The following EYS variants were observed in gnomAD, a reference collection of about 807,000 sequenced individuals.
The protein encoded by EYS is EGF-like photoreceptor maintenance factor.
Under a neutral mutation model 282.1 loss-of-function variants are expected in EYS, and 250 were observed. The observed-to-expected ratio is 0.89, with a 90% confidence interval of 0.80 to 0.98. The LOEUF (loss-of-function observed/expected upper bound fraction) is 0.98, where lower values mean the gene tolerates loss of function less well. Among genes scored for constraint, EYS ranks in the 50% least tolerant of loss-of-function variants. The pLI, the probability that EYS is intolerant of heterozygous loss-of-function variation, is 0.00. For missense variants in EYS, 4,016 were observed against 3,709.0 expected, an observed-to-expected ratio of 1.08 and a Z score of -2.15; for synonymous variants, 1,355 against 1,282.9, an observed-to-expected ratio of 1.06 and a Z score of -1.20.
At chr6:64,540,303 G>A (rs1764661159) in intron 26 of EYS, among the ~76,000 whole-genome samples, 1 of 152,086 alleles carries the variant, frequency 6.6e-6, no homozygotes, top group Admixed American at 6.6e-5. Flanking sequence ...GGACCTACGG[G>A]TCTCACCTTC....
intron 31 of EYS, among the ~76,000 whole-genome samples, chr6:64,190,259 G>C (rs116279632): frequency 3.2e-4 from 49 of 152,296 alleles, no homozygotes; most frequent in African/African-American, 1.1e-3. Context: ...AACTGAACAT[G>C]CTACTTTGCC....
At chr6:64,530,188 TAAGTA>T (rs1186214172) in intron 26 of EYS, among the ~76,000 whole-genome samples, 1 of 152,100 alleles carries the variant, frequency 6.6e-6, no homozygotes, top group South Asian at 2.1e-4. Context: ...ATAAGTAAAA[TAAGTA>T]AACAATTATT....
At chr6:63,807,806 C>T (rs548362651) in intron 36 of EYS, among the ~76,000 whole-genome samples, 14 of 150,138 alleles carry the variant, frequency 9.3e-5, no homozygotes, top group Admixed American at 6.6e-4. Flanking sequence ...GATAATAACA[C>T]TCTCAGGTAT....
At chr6:64,169,948 C>T (rs1044437569) in intron 31 of EYS, among the ~76,000 whole-genome samples, 1 of 152,102 alleles carries the variant, frequency 6.6e-6, no homozygotes, top group African/African-American at 2.4e-5. Flanking sequence ...GGTATTTAAA[C>T]CCCTTGCTTG....
intron 35 of EYS, among the ~76,000 whole-genome samples, chr6:63,893,270 T>C (rs1023874445): frequency 6.6e-6 from 1 of 152,188 alleles, no homozygotes; most frequent in Non-Finnish European, 1.5e-5. Context: ...TAAAGACACA[T>C]GCACACATAT....
intron 11 of EYS, among the ~76,000 whole-genome samples, chr6:65,318,888 C>T (rs1426286587): frequency 6.0e-5 from 9 of 150,342 alleles, no homozygotes; most frequent in African/African-American, 1.2e-4. Context: ...GGGATCCACC[C>T]GCCTTGGCCT....
Position 64,259,532 on chromosome 6 carries a change from C to G in EYS, c.6192-28708G>C, listed in dbSNP as rs139612992. 6.1e-3 allele frequency among the ~76,000 whole-genome samples: 929 copies of G among 152,020 alleles called. 7 individuals are homozygous for G. Among genetic ancestry groups the G allele is most frequent in the East Asian group, 0.029 (149 of 5,134 alleles). On this transcript the variant is annotated intron_variant, in intron 30 of 42. Coordinates refer to ENST00000503581, the MANE Select transcript of EYS (RefSeq NM_001142800.2). ...TTGGAAGGAGATCCTGCCCCTCCGT[C>G]CCAGTCTCTGAGAGGGCAGGAGCCT...
chr6:64,615,605 A>G (rs943216975), intron 24 of EYS, among the ~76,000 whole-genome samples: 1 of 152,142 alleles, frequency 6.6e-6, no homozygotes, highest in African/African-American at 2.4e-5. Context: ...GGCATGAATA[A>G]CATTTCAATG....
intron 35 of EYS, among the ~76,000 whole-genome samples, chr6:63,938,556 A>G (rs973715651): frequency 6.6e-6 from 1 of 152,234 alleles, no homozygotes; most frequent in Non-Finnish European, 1.5e-5. Context: ...AATATGATAG[A>G]AATATTGAAA....
At chr6:65,645,565 A>C (rs1458213059) in intron 1 of EYS, among the ~76,000 whole-genome samples, 3 of 152,174 alleles carry the variant, frequency 2.0e-5, no homozygotes, top group African/African-American at 7.2e-5. Flanking sequence ...TTCAATGCCT[A>C]TATCAAAAAG....
chr6:64,879,091 G>C (rs1381987604), intron 19 of EYS, among the ~76,000 whole-genome samples: 1 of 152,092 alleles, frequency 6.6e-6, no homozygotes, highest in Non-Finnish European at 1.5e-5. Context: ...GCAATTTGTT[G>C]GCTTTTTTGA....
intron 5 of EYS, among the ~76,000 whole-genome samples, chr6:65,419,938 C>A (rs1385370944): frequency 2.0e-5 from 3 of 151,918 alleles, no homozygotes; most frequent in African/African-American, 4.8e-5. Flanking sequence ...AACTTCATAT[C>A]TGAGGAAAAC....
intron 12 of EYS, among the ~76,000 whole-genome samples, chr6:65,266,942 AT>A (rs1476056132): frequency 3.4e-5 from 2 of 58,172 alleles, no homozygotes; most frequent in African/African-American, 2.7e-4. Context: ...AAACATTGAT[AT>A]ATATATATAT....
intron 12 of EYS, among the ~76,000 whole-genome samples, chr6:65,210,601 A>T (rs1007982980): frequency 6.6e-6 from 1 of 151,986 alleles, no homozygotes; most frequent in Non-Finnish European, 1.5e-5. Flanking sequence ...GAAAGCTTGG[A>T]AGGGGACAGC....
At chr6:64,419,344 T>C (rs1032714162) in intron 28 of EYS, among the ~76,000 whole-genome samples, 39 of 152,056 alleles carry the variant, frequency 2.6e-4, no homozygotes, top group Admixed American at 2.6e-3. Flanking sequence ...TAAGATGAGA[T>C]TTGGGTGAGG....
chr6:65,584,913 C>T (rs995171876), intron 2 of EYS, among the ~76,000 whole-genome samples: 2 of 149,720 alleles, frequency 1.3e-5, no homozygotes, highest in African/African-American at 2.4e-5. Context: ...ATATATATAA[C>T]ATTTTTCATC....
At chr6:64,015,519 A>G (rs1450404797) in intron 33 of EYS, among the ~76,000 whole-genome samples, 1 of 152,232 alleles carries the variant, frequency 6.6e-6, no homozygotes, top group African/African-American at 2.4e-5. Flanking sequence ...AGAAAAAAAG[A>G]AAAAATTGGT....
rs533592912 is a variant in EYS, at chr6:64,986,929, T to C, written c.2259+10653A>G. On this transcript the variant is annotated intron_variant, in intron 14 of 42. Transcript: ENST00000503581. ...AATCTGTTGATTAAGCTCATTGAAT[T>C]GGCAAACCTTAAGAAGAGAGTACTC... is the stretch of plus-strand genomic sequence containing the variant. 1.8e-4 allele frequency among the ~76,000 whole-genome samples: 28 copies of C among 151,524 alleles called. 1 individual carries two copies. The East Asian group carries it at 2.9e-3, about 16-fold the overall frequency.
At chr6:64,492,538 T>C (rs899651227) in intron 26 of EYS, among the ~76,000 whole-genome samples, 2 of 151,174 alleles carry the variant, frequency 1.3e-5, no homozygotes, top group African/African-American at 4.8e-5. Context: ...AATTTGGATG[T>C]TGCCCCCACA....
Sources: allele counts gnomAD v4.1 joint callset (sites outside exome capture counted in the v4.1 genomes callset), GRCh38; gene constraint gnomAD v4.1.1; transcripts MANE v1.5; gene names NCBI Gene and HGNC (gene_info 2026-07-23, HGNC 2026-07-21).